The following DST variants were observed in gnomAD, a reference collection of about 807,000 sequenced individuals.
DST encodes the protein dystonin, also known as bullous pemphigoid antigen.
DST carries 253 observed loss-of-function variants against 875.2 expected under a neutral mutation model. The ratio of observed to expected loss-of-function variants is 0.29; its 90% CI spans 0.26 to 0.32. The LOEUF is 0.32. DST is among the 10% of genes least tolerant of loss of function. DST has a pLI of 1.00. For synonymous variants in DST, 3,124 were observed against 3,197.1 expected, an observed-to-expected ratio of 0.98 and a Z score of 0.77; for missense variants, 8,287 against 9,111.6, an observed-to-expected ratio of 0.91 and a Z score of 3.68.
At chr6:56,652,728 A>C (rs2098983587) in intron 10 of DST, among the ~76,000 whole-genome samples, 2 of 152,198 alleles carry the variant, frequency 1.3e-5, no homozygotes, top group African/African-American at 4.8e-5. Context: ...GGTTACCATC[A>C]CCTACATGCT....
At chr6:56,730,902 A>G (rs1252791450) in intron 5 of DST, among the ~76,000 whole-genome samples, 1 of 152,206 alleles carries the variant, frequency 6.6e-6, no homozygotes, top group African/African-American at 2.4e-5. Context: ...ATTTAAATAC[A>G]TCTGGAAAAA....
chr6:56,872,831 C>T lies in DST; in HGVS notation c.418-21227G>A, dbSNP rs371870609. On this transcript the variant is annotated intron_variant, in intron 3 of 103. Coordinates refer to ENST00000680361, the MANE Select transcript of DST (RefSeq NM_001374736.1). Reference sequence around the variant, plus strand: ...TCTTCAATACACTGATTCCCCCCCCCCTTTTTTTTTTTTTCGGATATATAC... The same window carrying T: ...TCTTCAATACACTGATTCCCCCCCCTCTTTTTTTTTTTTTCGGATATATAC... Among the ~76,000 whole-genome samples, 57 of 125,650 alleles carry T rather than the reference C, an allele frequency of 4.5e-4. 1 individual carries two copies. Among genetic ancestry groups the T allele is most frequent in the Non-Finnish European group, 8.1e-4 (46 of 56,892 alleles). The allele number at this position is 125,650 out of a possible 152,430, so 82.4% of individuals were successfully genotyped here. A position where few individuals can be genotyped will look rare whatever the true frequency, so the allele number is the denominator to read the frequency against.
intron 75 of DST, 42 bp from the exon 76 acceptor site, chr6:56,506,831 CA>C (rs1232353094): frequency 4.5e-6 from 7 of 1,570,246 alleles, no homozygotes; most frequent in Admixed American, 1.9e-5. Context: ...TAAGCAAAAC[CA>C]CATCAAAACT....
chr6:56,764,097 G>GCACACACACACA lies in DST; in HGVS notation c.626-28820_626-28809dup, dbSNP rs57134689. On this transcript the variant is annotated intron_variant, in intron 4 of 103. Coordinates refer to ENST00000680361, the MANE Select transcript of DST (RefSeq NM_001374736.1). ...CAAAACCTTTTCCCAAAGTGCACAT[G>GCACACACACACA]CACACACACACACACACACACACAC... 4.2e-3 allele frequency among the ~76,000 whole-genome samples: 595 copies of GCACACACACACA among 142,000 alleles called. 7 individuals are homozygous for GCACACACACACA. The highest frequency in any genetic ancestry group is 0.014 in the African/African-American group (542 of 37,656). The allele number at this position is 142,000 out of a possible 152,430, so 93.2% of individuals were successfully genotyped here.
chr6:56,675,153 G>C (rs1482818226), intron 9 of DST, among the ~76,000 whole-genome samples: 2 of 152,136 alleles, frequency 1.3e-5, no homozygotes, highest in East Asian at 3.8e-4. Flanking sequence ...ACACACAATG[G>C]AGAAAGAACA....
chr6:56,829,203 C>A (rs1455657722), intron 4 of DST, among the ~76,000 whole-genome samples: 1 of 152,116 alleles, frequency 6.6e-6, no homozygotes, highest in Non-Finnish European at 1.5e-5. Flanking sequence ...ATCACTTAGC[C>A]AAACACAAAA....
chr6:56,558,571 C>T (rs2097470305), intron 58 of DST, among the ~76,000 whole-genome samples: 1 of 152,068 alleles, frequency 6.6e-6, no homozygotes, highest in African/African-American at 2.4e-5. Context: ...TAACTAGTAT[C>T]CCTGCTATTA....
At chr6:56,888,140 G>A (rs1199717575) in intron 3 of DST, among the ~76,000 whole-genome samples, 2 of 151,772 alleles carry the variant, frequency 1.3e-5, no homozygotes, top group African/African-American at 2.4e-5. Context: ...TAGTAGAGAC[G>A]GGTTTCACCA....
intron 4 of DST, among the ~76,000 whole-genome samples, chr6:56,747,518 A>G (rs2099576137): frequency 6.6e-6 from 1 of 152,210 alleles, no homozygotes; most frequent in African/African-American, 2.4e-5. Context: ...AAAACATATA[A>G]AGAGATTCCT....
In DST at chr6:56,598,511, C is replaced by A. The variant is rs1400819886; in HGVS notation, c.11893G>T (p.Val3965Phe). 3 of 1,591,138 alleles carry A rather than the reference C, an allele frequency of 1.9e-6. No homozygotes were observed. The African/African-American group carries it at 4.0e-5, about 21-fold the overall frequency. ...TCTTCCTTGATTGCTGTTGTCACAA[C>A]TTTATCCAGCTCCTTTTTAGACTGT... The part of the protein sequence containing the change: ...AEQSKKELDK[V>F]VTTAIKEETE... Residue 3965 changes from valine to phenylalanine, a missense_variant, in exon 46 of 104, where the codon GTT becomes TTT. By Grantham distance (50) the Val-to-Phe change is conservative. Around this residue, in one of 10 missense-constraint regions of DST, gnomAD observed 1,513 missense variants for 1,677.8 expected, o/e 0.90. Transcript: ENST00000680361.
intron 4 of DST, among the ~76,000 whole-genome samples, chr6:56,793,470 G>A (rs78004680): frequency 1.3e-5 from 2 of 152,286 alleles, no homozygotes; most frequent in East Asian, 3.9e-4. Flanking sequence ...CAACTTTTCT[G>A]TAGACTTTAA....
intron 22 of DST, 121 bp downstream of exon 22, chr6:56,639,138 T>C: frequency 1.2e-6 from 1 of 849,160 alleles, no homozygotes; most frequent in South Asian, 1.5e-5. Context: ...GAAACATTTC[T>C]GAGCCAGGTT....
At chr6:56,464,827 T>G (rs1156467724) in intron 99 of DST, 71 bp from the exon 100 acceptor site, 1 of 1,163,912 alleles carries the variant, frequency 8.6e-7, no homozygotes, top group Non-Finnish European at 1.3e-6. Context: ...CAAAGTACAG[T>G]AGTTGAATAT....
At position 56,605,840 on chromosome 6, in the gene DST, A is replaced by G; in HGVS notation, c.8788T>C (p.Ser2930Pro). ...VLPPIIKDTE[S>P]EKTFGPASIS... ...CTTGCAGGGCCAAAAGTTTTTTCAGATTCAGTGTCTTTAATGATAGGCGGC... is the reference window on the plus strand; with the variant it reads ...CTTGCAGGGCCAAAAGTTTTTTCAGGTTCAGTGTCTTTAATGATAGGCGGC... Residue 2930 changes from serine (S) to proline (P), a missense_variant, in exon 40 of 104, where the codon TCT becomes CCT. This residue lies in a region of DST where 3,138 missense variants were observed against 3,116.6 expected (regional missense o/e 1.01). Coordinates refer to ENST00000680361, the MANE Select transcript of DST (RefSeq NM_001374736.1). The G allele has an allele frequency of 3.7e-6, 6 of 1,612,414 alleles. No individual in the cohort carries two copies. Among genetic ancestry groups the G allele is most frequent in the Non-Finnish European group, 5.1e-6 (6 of 1,179,180 alleles).
intron 4 of DST, among the ~76,000 whole-genome samples, chr6:56,761,778 C>T (rs1398888777): frequency 1.3e-5 from 2 of 152,008 alleles, no homozygotes; most frequent in African/African-American, 2.4e-5. Flanking sequence ...AAAGATTATT[C>T]GGTTCTACTC....
intron 10 of DST, among the ~76,000 whole-genome samples, chr6:56,663,575 C>T (rs1333804167): frequency 1.3e-5 from 2 of 152,218 alleles, no homozygotes; most frequent in African/African-American, 4.8e-5. Context: ...TAAACCAGTC[C>T]AATCCAGTTT....
At position 56,608,396 on chromosome 6, in the gene DST, C is replaced by G. The variant is rs2098516339; in HGVS notation, c.6232G>C (p.Gly2078Arg). Reference sequence around the variant, plus strand: ...GAAGATGATGTGGGAAATATTTCACCAGAATGGGGCCAAATGAGTCCAACA... The same window carrying G: ...GAAGATGATGTGGGAAATATTTCACGAGAATGGGGCCAAATGAGTCCAACA... ...GYVGLIWPHS[G>R]EIFPTSSSLQ... is the part of the protein sequence containing the mutation. The change falls in exon 40 of 104, where the codon GGT (glycine) becomes CGT (arginine). Residue 2078 changes from glycine to arginine, a missense_variant. By Grantham distance (125) the Gly-to-Arg change is moderately radical. Transcript: ENST00000680361. 6.2e-7 allele frequency: 1 copy of G among 1,613,166 alleles called. No homozygotes were observed. The highest frequency in any genetic ancestry group is 1.7e-5 in the Admixed American group (1 of 59,934).
intron 34 of DST, among the ~76,000 whole-genome samples, chr6:56,625,936 T>C: frequency 6.7e-6 from 1 of 149,310 alleles, no homozygotes; most frequent in East Asian, 2.0e-4. Context: ...AATGTGTATG[T>C]TTGTCTCTTA....
rs1361714167 is a variant in DST, at chr6:56,471,402, G to A, written c.22159-134C>T. 9.7e-6 allele frequency: 6 copies of A among 618,924 alleles called. No homozygotes were observed. The East Asian group carries it at 1.9e-4, about 20-fold the overall frequency. 38.3% of individuals were successfully genotyped at this position (618,924 alleles called of 1,614,324 possible). ...CCATTTCAAAAAGAGGTATGATCTT[G>A]CAAAGGGGACTTAGAAACATTTTGC... On this transcript the variant is annotated intron_variant, in intron 94 of 103. Transcript: ENST00000680361.
Sources: gnomAD v4.1 joint callset for allele counts (sites outside exome capture counted in the v4.1 genomes callset) on GRCh38, gnomAD v4.1.1 for gene constraint, gnomAD v4.1.1 regional missense constraint, MANE v1.5 for transcripts, NCBI Gene and HGNC (gene_info 2026-07-23, HGNC 2026-07-21) for gene names.